Variants in NPC1L1 observed in about 807,000 individuals in gnomAD.
The protein encoded by NPC1L1 is NPC1-like intracellular cholesterol transporter 1.
In NPC1L1, 98 loss-of-function variants were observed where a neutral mutation model predicts 117.0. The ratio of observed to expected loss-of-function variants is 0.84; its 90% CI spans 0.71 to 0.99. The LOEUF (loss-of-function observed/expected upper bound fraction) is 0.99, where lower values mean the gene tolerates loss of function less well. Among genes scored for constraint, NPC1L1 ranks in the 50% least tolerant of loss-of-function variants. The pLI is 0.00. For synonymous variants in NPC1L1, 729 were observed against 727.6 expected (o/e 1.00, Z -0.03); for missense variants, 1,540 against 1,710.0 (o/e 0.90, Z 1.75).
Position 44,533,904 on chromosome 7 carries a change from C to T in NPC1L1, c.2167-51G>A, listed in dbSNP as rs1008668629. 2.7e-6 allele frequency: 4 copies of T among 1,482,520 alleles called. No individual in the cohort carries two copies. The South Asian group carries it at 4.8e-5, about 18-fold the overall frequency. 91.8% of individuals were successfully genotyped at this position (1,482,520 alleles called of 1,614,324 possible). ...GCCAGGGCCCTCCAAGGGCACCGCC[C>T]CTCAAAGGCCAGCAGGGAGTTGGCA... On this transcript the variant is annotated intron_variant, in intron 6 of 18. Transcript: ENST00000381160.
chr7:44,516,069 C>A lies in NPC1L1; in HGVS notation c.3633+15G>T, dbSNP rs370726417. The A allele has an allele frequency of 6.2e-7, 1 of 1,608,522 alleles. No individual in the cohort carries two copies. Among genetic ancestry groups the A allele is most frequent in the Non-Finnish European group, 8.5e-7 (1 of 1,177,324 alleles). ...GTCGAGTGGGGCACAGGGTGGCCCA[C>A]TCCTCTCCACTCACCGCACTTCCCA... is the stretch of plus-strand genomic sequence containing the variant. On this transcript the variant is annotated intron_variant, in intron 17 of 18. Coordinates refer to ENST00000381160, the MANE Select transcript of NPC1L1 (RefSeq NM_001101648.2).
intron 12 of NPC1L1, among the ~76,000 whole-genome samples, chr7:44,521,321 GA>G (rs1801345927): frequency 6.6e-6 from 1 of 152,216 alleles, no homozygotes; most frequent in Non-Finnish European, 1.5e-5. Context: ...GGCAGAAGGG[GA>G]AAGGAAGTTT....
rs188093599 is a variant in NPC1L1, at chr7:44,536,853, C to T, written c.1670G>A (p.Gly557Glu). ...CCCACTTAGCTTACCTTTGTACCCC[C>T]CAATGGCAAGGAAGGGGAAGACAGG... ...GAPVFPFLAI[G>E]GYKGKDYSEA... Residue 557 changes from glycine to glutamate, a missense_variant, in exon 3 of 19, where the codon GGG (glycine) becomes GAG (glutamate). By Grantham distance (98) the Gly-to-Glu change is moderately conservative (BLOSUM62 -2). This residue lies in a region of NPC1L1 where 793 missense variants were observed against 820.4 expected (regional missense o/e 0.97). Transcript: ENST00000381160. This position sits in a 1 kb window ranked among gnomAD's most constrained non-coding sequence, Gnocchi z 4.7. 5 of 1,613,784 alleles carry T rather than the reference C, an allele frequency of 3.1e-6. No homozygotes were observed. The African/African-American group carries it at 5.3e-5, about 17-fold the overall frequency.
At chr7:44,530,854 C>T (rs1801673919) in intron 10 of NPC1L1, among the ~76,000 whole-genome samples, 1 of 152,180 alleles carries the variant, frequency 6.6e-6, no homozygotes, top group South Asian at 2.1e-4. Context: ...CCTCACCTGG[C>T]TTCCAGGACC....
rs1317292236 is a variant in NPC1L1 at position 44,517,193 on chromosome 7, A to G, written c.3287+14T>C. Reference sequence around the variant, plus strand: ...TACCCCACCTCCCTCCAGCCCAGCCACTCAGGTCCTCACGTGTAGGGGAAG... The same window carrying G: ...TACCCCACCTCCCTCCAGCCCAGCCGCTCAGGTCCTCACGTGTAGGGGAAG... On this transcript the variant is annotated intron_variant, in intron 15 of 18. Coordinates refer to ENST00000381160, the MANE Select transcript of NPC1L1 (RefSeq NM_001101648.2). 1.2e-6 allele frequency: 2 copies of G among 1,613,900 alleles called. No individual in the cohort carries two copies. Among genetic ancestry groups the G allele is most frequent in the Non-Finnish European group, 8.5e-7 (1 of 1,179,922 alleles).
chr7:44,528,797 G>A lies in NPC1L1; in HGVS notation c.2637+2958C>T, dbSNP rs557681232. On this transcript the variant is annotated intron_variant, in intron 10 of 18. Transcript: ENST00000381160. ...AAAAGAGAGTAGTAGGACCAGGCAT[G>A]GTGGCTCACGCCTGTAATCCCAGCA... is the stretch of plus-strand genomic sequence containing the variant. Among the ~76,000 whole-genome samples the A allele has an allele frequency of 3.2e-4, 49 of 152,258 alleles. No individual in the cohort carries two copies. The South Asian group carries it at 9.8e-3, about 30-fold the overall frequency.
Position 44,521,085 on chromosome 7 carries a change from A to T in NPC1L1, c.2987T>A (p.Ile996Asn). The T allele has an allele frequency of 6.2e-7, 1 of 1,614,150 alleles. No individual in the cohort carries two copies. Among genetic ancestry groups the T allele is most frequent in the Non-Finnish European group, 8.5e-7 (1 of 1,180,016 alleles). The part of the protein sequence containing the change: ...SLNCLKNCMS[I>N]TMGSVRPSVE... ...CGAGGGCCTCACAGAGCCCATCGTGATGCTCATGCAGTTCTTTAGGCAGTT... is the reference window on the plus strand; with the variant it reads ...CGAGGGCCTCACAGAGCCCATCGTGTTGCTCATGCAGTTCTTTAGGCAGTT... Residue 996 changes from isoleucine (I) to asparagine (N), a missense_variant, in exon 13 of 19, where the codon ATC becomes AAC. By Grantham distance (149) the Ile-to-Asn change is moderately radical. Coordinates refer to ENST00000381160, the MANE Select transcript of NPC1L1 (RefSeq NM_001101648.2).
At chr7:44,533,642 G>C in intron 7 of NPC1L1, 84 bp from the exon 8 acceptor site, 1 of 1,608,836 alleles carries the variant, frequency 6.2e-7, no homozygotes, top group East Asian at 2.2e-5. Context: ...AGGGGGAAGG[G>C]AATCTGCACT....
intron 18 of NPC1L1, among the ~76,000 whole-genome samples, chr7:44,513,915 G>A (rs189440598): frequency 7.9e-5 from 12 of 152,120 alleles, no homozygotes; most frequent in Admixed American, 1.3e-4. Context: ...CACACCCCAC[G>A]ACTGCTCCTC....
chr7:44,533,544 T>C lies in NPC1L1; in HGVS notation c.2296A>G (p.Met766Val), dbSNP rs143565868. 33 of 1,614,038 alleles carry C rather than the reference T, an allele frequency of 2.0e-5. 1 individual carries two copies. The highest frequency in any genetic ancestry group is 4.5e-5 in the East Asian group (2 of 44,884). The part of the protein sequence containing the change: ...ICFFLGALTP[M>V]PAVRTFALTS... ...AGGGCAAAGGTCCGCACAGCTGGCA[T>C]GGGGGTCAGGGCCCCTGTGAGGGAG... is the stretch of plus-strand genomic sequence containing the variant. The change falls in exon 8 of 19, where the codon ATG becomes GTG. Residue 766 changes from methionine to valine, a missense_variant. Transcript: ENST00000381160.
chr7:44,536,279 A>G lies in NPC1L1; in HGVS notation c.1831T>C (p.Phe611Leu), dbSNP rs1275008434. The G allele has an allele frequency of 6.2e-7, 1 of 1,614,060 alleles. No individual in the cohort carries two copies. The highest frequency in any genetic ancestry group is 8.5e-7 in the Non-Finnish European group (1 of 1,180,024). The change falls in exon 4 of 19, where the codon TTC becomes CTC. Residue 611 changes from phenylalanine (F) to leucine (L), a missense_variant. Physicochemically the swap from Phe to Leu is conservative, Grantham distance 22. Around this residue, in one of 3 missense-constraint regions of NPC1L1, gnomAD observed 793 missense variants for 820.4 expected, o/e 0.97. Coordinates refer to ENST00000381160, the MANE Select transcript of NPC1L1 (RefSeq NM_001101648.2). The surrounding 1 kb of genome is among the most constrained non-coding windows in gnomAD (Gnocchi z 4.7). Reference sequence around the variant, plus strand: ...ACCTCAGCCATGAACGTGACCTGGAACATGCCAGCCATCCGACGCTGGAAG... The same window carrying G: ...ACCTCAGCCATGAACGTGACCTGGAGCATGCCAGCCATCCGACGCTGGAAG... ...RAFQRRMAGMFQVTFMAERSL... is the reference protein window; with the variant it reads ...RAFQRRMAGMLQVTFMAERSL...
At chr7:44,513,769 G>T in intron 18 of NPC1L1, 120 bp from the exon 19 acceptor site, 1 of 1,071,864 alleles carries the variant, frequency 9.3e-7, no homozygotes, top group Non-Finnish European at 1.4e-6. Context: ...TCTGTGCCAT[G>T]TGCCTTCCAG....
Position 44,521,979 on chromosome 7 carries a change from A to AGAGGGGACTG in NPC1L1, c.2828+63_2828+72dup, listed in dbSNP as rs1286500696. The AGAGGGGACTG allele has an allele frequency of 1.9e-6, 3 of 1,595,158 alleles. No individual in the cohort carries two copies. In the African/African-American group the frequency reaches 4.0e-5, roughly 21 times the overall value. On this transcript the variant is annotated intron_variant, in intron 11 of 18. Transcript: ENST00000381160. ...GCAGGACAGGGATAGAACATCAGGA[A>AGAGGGGACTG]GAGGGGACTGGAGAGGACTGGAGGG... is the stretch of plus-strand genomic sequence containing the variant.
chr7:44,532,179 C>T lies in NPC1L1; in HGVS notation c.2448G>A (p.Gln816=), dbSNP rs1357861089. The change falls in exon 9 of 19, where the codon CAG becomes CAA. Residue 816 remains glutamine, a synonymous_variant. Transcript: ENST00000381160. ...CTCCCTGGCCAGGCGGGGGCAGCTC[C>T]TGGGGCTTGACACAGCAGCAGACGT... The part of the protein sequence containing the change: ...RLDVCCCVKP[Q]ELPPPGQGEG... 6.2e-7 allele frequency: 1 copy of T among 1,613,874 alleles called. No individual in the cohort carries two copies. Among genetic ancestry groups the T allele is most frequent in the African/African-American group, 1.3e-5 (1 of 74,920 alleles).
In NPC1L1 at chr7:44,534,356, A is replaced by G; in HGVS notation, c.2166+91T>C. ...ACAGAAAGAGTCTGCAGGGAGACCC[A>G]GCAAATTCACGCCAGAGTCCCATCA... On this transcript the variant is annotated intron_variant, in intron 6 of 18. Coordinates refer to ENST00000381160, the MANE Select transcript of NPC1L1 (RefSeq NM_001101648.2). The surrounding 1 kb of genome is among the most constrained non-coding windows in gnomAD (Gnocchi z 5.2). 7.8e-7 allele frequency: 1 copy of G among 1,280,510 alleles called. No individual in the cohort carries two copies. The highest frequency in any genetic ancestry group is 1.1e-6 in the Non-Finnish European group (1 of 876,134). 79.3% of individuals were successfully genotyped at this position (1,280,510 alleles called of 1,614,324 possible).
At chr7:44,529,983 G>A (rs563544766) in intron 10 of NPC1L1, among the ~76,000 whole-genome samples, 129 of 151,428 alleles carry the variant, frequency 8.5e-4, no homozygotes, top group African/African-American at 3.0e-3. Flanking sequence ...GCAGTAAGCC[G>A]AGTCTGCACC....
In NPC1L1 at chr7:44,533,448, C is replaced by G. The variant is rs756183482; in HGVS notation, c.2392G>C (p.Asp798His). ...GCCCCTACCTCCTGCCTCTTGCTGT[C>G]CAGGGAGAGCAGGGCCACAAAGGCT... is the stretch of plus-strand genomic sequence containing the variant. ...MSAFVALLSL[D>H]SKRQEASRLD... The change falls in exon 8 of 19, where the codon GAC becomes CAC. Residue 798 changes from aspartate (D) to histidine (H), a missense_variant. Coordinates refer to ENST00000381160, the MANE Select transcript of NPC1L1 (RefSeq NM_001101648.2). 1 of 1,613,948 alleles carries G rather than the reference C, an allele frequency of 6.2e-7. No individual in the cohort carries two copies. The highest frequency in any genetic ancestry group is 8.5e-7 in the Non-Finnish European group (1 of 1,179,946).
At position 44,522,074 on chromosome 7, in the gene NPC1L1, A is replaced by G; in HGVS notation, c.2806T>C (p.Tyr936His). The G allele has an allele frequency of 6.2e-7, 1 of 1,613,972 alleles. No homozygotes were observed. The highest frequency in any genetic ancestry group is 8.5e-7 in the Non-Finnish European group (1 of 1,179,930). Reference sequence around the variant, plus strand: ...CACTGCTCAGGGAACTCTGTGGCATACTGGATCTTCTGGGTGAAGGAGAAG... The same window carrying G: ...CACTGCTCAGGGAACTCTGTGGCATGCTGGATCTTCTGGGTGAAGGAGAAG... ...NNFSFTQKIQYATEFPEQSYL... is the reference protein window; with the variant it reads ...NNFSFTQKIQHATEFPEQSYL... The change falls in exon 11 of 19, where the codon TAT becomes CAT. Residue 936 changes from tyrosine (Y) to histidine (H), a missense_variant. This residue lies in a region of NPC1L1 where 742 missense variants were observed against 873.6 expected (regional missense o/e 0.85). Coordinates refer to ENST00000381160, the MANE Select transcript of NPC1L1 (RefSeq NM_001101648.2).
intron 10 of NPC1L1, among the ~76,000 whole-genome samples, chr7:44,531,015 T>C (rs1413797673): frequency 6.6e-6 from 1 of 152,152 alleles, no homozygotes; most frequent in East Asian, 1.9e-4. Flanking sequence ...GACCTAGACA[T>C]CGAGTCCCCT....
Sources: allele counts gnomAD v4.1 joint callset (sites outside exome capture counted in the v4.1 genomes callset), GRCh38; gene constraint gnomAD v4.1.1; regional missense constraint gnomAD v4.1.1; non-coding constraint Gnocchi (gnomAD v3.1); transcripts MANE v1.5; gene names NCBI Gene and HGNC (gene_info 2026-07-23, HGNC 2026-07-21).